The following PDE1C variants were observed in gnomAD, a reference collection of about 807,000 sequenced individuals.
PDE1C encodes the protein dual specificity calcium/calmodulin-dependent 3',5'-cyclic nucleotide phosphodiesterase 1C.
In PDE1C, 62 loss-of-function variants were observed where a neutral mutation model predicts 93.1. That is an observed-to-expected ratio of 0.67 (90% CI 0.54 to 0.82). The LOEUF (loss-of-function observed/expected upper bound fraction) is 0.82, where lower values mean the gene tolerates loss of function less well. Among genes scored for constraint, PDE1C ranks in the 40% least tolerant of loss-of-function variants. The probability of loss-of-function intolerance (pLI) is 0.00; values close to 1 mark genes in which losing one functional copy is unlikely to be tolerated. For missense variants in PDE1C, 742 were observed against 884.6 expected (o/e 0.84, Z 2.04); for synonymous variants, 325 against 310.1 (o/e 1.05, Z -0.50).
the PDE1C span, among the ~76,000 whole-genome samples, chr7:31,640,584 G>A: frequency 3.3e-5 from 5 of 151,906 alleles, no homozygotes; most frequent in Non-Finnish European, 4.4e-5. Context: ...CAGATCACTT[G>A]TTCCTGTTTC....
At chr7:31,846,233 C>CTTT (rs371624212) in intron 9 of PDE1C, among the ~76,000 whole-genome samples, 7 of 129,958 alleles carry the variant, frequency 5.4e-5, no homozygotes, top group African/African-American at 1.1e-4. Context: ...CTTTTTTTTT[C>CTTT]TTTTTTTTTT....
the PDE1C span, among the ~76,000 whole-genome samples, chr7:31,622,855 C>A: frequency 6.6e-6 from 1 of 151,938 alleles, no homozygotes; most frequent in Admixed American, 6.6e-5. Context: ...ATTGATAGAC[C>A]GCTAGCAAGA....
intron 17 of PDE1C, among the ~76,000 whole-genome samples, chr7:31,755,177 G>T (rs1401477475): frequency 6.6e-6 from 1 of 152,206 alleles, no homozygotes; most frequent in African/African-American, 2.4e-5. Context: ...CGTAAACAGA[G>T]GGTGGATGGT....
At chr7:31,965,753 T>G (rs370388306) in intron 2 of PDE1C, among the ~76,000 whole-genome samples, 1 of 152,236 alleles carries the variant, frequency 6.6e-6, no homozygotes, top group Admixed American at 6.5e-5. Context: ...GACTAACAGC[T>G]GATCTCTTGG....
upstream of PDE1C, chr7:32,070,900 C>G: frequency 1.0e-6 from 1 of 985,540 alleles, no homozygotes; most frequent in Non-Finnish European, 1.2e-6. Flanking sequence ...GCCGCGCACC[C>G]GGCTCCGCCC....
At chr7:32,413,836 A>T (rs1451764749) in intron 1 of PDE1C, among the ~76,000 whole-genome samples, 3 of 152,202 alleles carry the variant, frequency 2.0e-5, no homozygotes, top group Non-Finnish European at 4.4e-5. Context: ...AGTCATTATA[A>T]CTATGTCTCA....
rs948921013 is a variant in PDE1C, at chr7:31,751,820, A to C, written c.*1564T>G. 3 of 152,328 alleles carry C rather than the reference A, an allele frequency of 2.0e-5. No homozygotes were observed. The highest frequency in any genetic ancestry group is 2.1e-4 in the South Asian group (1 of 4,822). 9.4% of individuals were successfully genotyped at this position (152,328 alleles called of 1,614,324 possible). A position where few individuals can be genotyped will look rare whatever the true frequency, so the allele number is the denominator to read the frequency against. On this transcript the variant is annotated 3_prime_UTR_variant, in exon 18 of 18. Transcript: ENST00000396191. ...GAACTTGCTCAACTTGAATAACTGCAGTTTATTGGAAATGAACTGCAGGGA... is the reference window on the plus strand; with the variant it reads ...GAACTTGCTCAACTTGAATAACTGCCGTTTATTGGAAATGAACTGCAGGGA...
intron 11 of PDE1C, among the ~76,000 whole-genome samples, chr7:31,836,134 T>G (rs1037430312): frequency 1.3e-5 from 2 of 152,170 alleles, no homozygotes; most frequent in African/African-American, 4.8e-5. Context: ...ACCAAATCTA[T>G]GTATCATGTC....
intron 7 of PDE1C, among the ~76,000 whole-genome samples, chr7:31,856,758 A>T (rs1340056415): frequency 1.3e-5 from 2 of 150,706 alleles, no homozygotes. Flanking sequence ...CTGAAGTCAG[A>T]GCTGGGACCG....
intron 1 of PDE1C, among the ~76,000 whole-genome samples, chr7:32,236,846 A>G (rs533121466): frequency 5.3e-5 from 8 of 152,216 alleles, no homozygotes; most frequent in African/African-American, 1.7e-4. Context: ...ACAAACGTTT[A>G]TGGCAGCTCT....
chr7:31,643,840 C>A, the PDE1C span: 10 of 1,613,932 alleles, frequency 6.2e-6, no homozygotes, highest in South Asian at 1.1e-4. Context: ...AAGCCCTGGC[C>A]CTGAACCCTC....
At chr7:32,003,584 T>C (rs2058545) in intron 2 of PDE1C, among the ~76,000 whole-genome samples, 43,824 of 152,134 alleles carry the variant, frequency 0.29, 6,597 homozygotes, top group African/African-American at 0.36. Context: ...CTTAGGGAGT[T>C]AATTACTTCA....
At position 32,172,297 on chromosome 7, in the gene PDE1C, C is replaced by G. The variant is rs1272013406; in HGVS notation, c.137-2341G>C. On this transcript the variant is annotated intron_variant, in intron 2 of 18. Coordinates refer to the PDE1C transcript ENST00000396193. The stretch of plus-strand genomic sequence containing the variant: ...ACATTTTTGCAATCTACTCATCTGA[C>G]AAAGGTCTAATATCCAGAATTTACA... 2.0e-5 allele frequency among the ~76,000 whole-genome samples: 3 copies of G among 151,622 alleles called. No individual in the cohort carries two copies. The East Asian group carries it at 5.9e-4, about 30-fold the overall frequency.
At chr7:31,947,159 G>T (rs185111052) in intron 2 of PDE1C, among the ~76,000 whole-genome samples, 184 of 152,174 alleles carry the variant, frequency 1.2e-3, no homozygotes, top group African/African-American at 4.2e-3. Context: ...TAATGGAGCC[G>T]TGTTGGTGTG....
intron 2 of PDE1C, among the ~76,000 whole-genome samples, chr7:31,970,392 C>T (rs1295341789): frequency 6.6e-6 from 1 of 152,104 alleles, no homozygotes; most frequent in East Asian, 1.9e-4. Context: ...AGAAAAGTCT[C>T]GGGCGGAGGG....
chr7:31,681,023 C>A, the PDE1C span, among the ~76,000 whole-genome samples: 1 of 152,198 alleles, frequency 6.6e-6, no homozygotes, highest in African/African-American at 2.4e-5. Flanking sequence ...AGCCACTTAA[C>A]GTGATTCACT....
intron 2 of PDE1C, among the ~76,000 whole-genome samples, chr7:31,900,536 CATA>C (rs1799842362): frequency 1.3e-5 from 2 of 150,388 alleles, no homozygotes; most frequent in Non-Finnish European, 3.0e-5. Flanking sequence ...ACTACACAAA[CATA>C]ATGACTATCA....
intron 1 of PDE1C, among the ~76,000 whole-genome samples, chr7:32,409,327 C>T (rs1447224526): frequency 6.6e-6 from 1 of 152,014 alleles, no homozygotes; most frequent in Non-Finnish European, 1.5e-5. Context: ...AGCCATTGCA[C>T]CCCAGCCTGG....
rs536200392 is a variant in PDE1C at position 31,990,361 on chromosome 7, C to T, written c.128+61193G>A. Among the ~76,000 whole-genome samples the T allele has an allele frequency of 5.9e-5, 9 of 152,276 alleles. No homozygotes were observed. The East Asian group carries it at 9.7e-4, about 16-fold the overall frequency. On this transcript the variant is annotated intron_variant, in intron 2 of 17. Transcript: ENST00000396191. ...CCTGCTGCCATGTAAGACATGACTTCGCTCTTCATTCGCCTTCCGCCATGA... is the reference window on the plus strand; with the variant it reads ...CCTGCTGCCATGTAAGACATGACTTTGCTCTTCATTCGCCTTCCGCCATGA...
Sources: gnomAD v4.1 joint callset for allele counts (sites outside exome capture counted in the v4.1 genomes callset) on GRCh38, gnomAD v4.1.1 for gene constraint, MANE v1.5 for transcripts, NCBI Gene and HGNC (gene_info 2026-07-23, HGNC 2026-07-21) for gene names.